The following CREB5 variants were observed in gnomAD, a reference collection of about 807,000 sequenced individuals.
CREB5 encodes cyclic AMP-responsive element-binding protein 5.
Under a neutral mutation model 57.1 loss-of-function variants are expected in CREB5, and 19 were observed. The observed-to-expected ratio is 0.33, with a 90% confidence interval of 0.23 to 0.49. The LOEUF (loss-of-function observed/expected upper bound fraction) is 0.49, where lower values mean the gene tolerates loss of function less well. CREB5 is among the 20% of genes least tolerant of loss of function. The pLI is 0.99. For synonymous variants in CREB5, 238 were observed against 238.3 expected, an observed-to-expected ratio of 1.00 and a Z score of 0.01; for missense variants, 579 against 671.6, an observed-to-expected ratio of 0.86 and a Z score of 1.52.
chr7:28,583,489 T>C (rs1407377681), intron 5 of CREB5, among the ~76,000 whole-genome samples: 1 of 152,164 alleles, frequency 6.6e-6, no homozygotes, highest in African/African-American at 2.4e-5. Flanking sequence ...GATCTGTCCA[T>C]TTCAATCTCT....
intron 7 of CREB5, among the ~76,000 whole-genome samples, chr7:28,731,700 C>G (rs1243352506): frequency 6.6e-6 from 1 of 152,200 alleles, no homozygotes; most frequent in Non-Finnish European, 1.5e-5. Context: ...GTGAGAGTGA[C>G]CTTTCTAAGG....
intron 1 of CREB5, among the ~76,000 whole-genome samples, chr7:28,348,005 CA>C (rs1268007565): frequency 6.6e-6 from 1 of 152,054 alleles, no homozygotes; most frequent in East Asian, 1.9e-4. Context: ...GTGCCCTGGC[CA>C]GGGAAATTGT....
chr7:28,333,436 A>G (rs1019924907), intron 1 of CREB5, among the ~76,000 whole-genome samples: 21 of 152,320 alleles, frequency 1.4e-4, no homozygotes, highest in African/African-American at 4.6e-4. Context: ...AAAATGTACA[A>G]TTAAATCATT....
chr7:28,403,003 T>C (rs1787504743), intron 1 of CREB5, among the ~76,000 whole-genome samples: 1 of 152,186 alleles, frequency 6.6e-6, no homozygotes, highest in Non-Finnish European at 1.5e-5. Flanking sequence ...GAGTTACACC[T>C]GTTAGGATTT....
intron 5 of CREB5, among the ~76,000 whole-genome samples, chr7:28,659,746 TA>T: frequency 6.6e-6 from 1 of 152,302 alleles, no homozygotes; most frequent in African/African-American, 2.4e-5. Context: ...AAAAATTAAA[TA>T]CAAATACAGT....
At chr7:28,560,931 T>TGTGTGTGCGTGGGTGC (rs1795192007) in intron 4 of CREB5, among the ~76,000 whole-genome samples, 1 of 48,532 alleles carries the variant, frequency 2.1e-5, no homozygotes, top group Non-Finnish European at 3.8e-5. Flanking sequence ...TGCGCGTGCG[T>TGTGTGTGCGTGGGTGC]GTGTGCGTGC....
chr7:28,678,621 G>C (rs1800436066), intron 5 of CREB5, among the ~76,000 whole-genome samples: 1 of 152,152 alleles, frequency 6.6e-6, no homozygotes, highest in South Asian at 2.1e-4. Context: ...GTATGGGCCT[G>C]AGAGGGACAG....
intron 7 of CREB5, among the ~76,000 whole-genome samples, chr7:28,776,712 A>C (rs1210884357): frequency 1.3e-5 from 2 of 152,202 alleles, no homozygotes; most frequent in East Asian, 3.9e-4. Flanking sequence ...TGCCTTCCTC[A>C]CCAGCGTCTG....
chr7:28,488,599 A>G (rs554619757), intron 2 of CREB5, among the ~76,000 whole-genome samples: 21 of 152,350 alleles, frequency 1.4e-4, no homozygotes, highest in African/African-American at 5.0e-4. Flanking sequence ...AGCCACTTGA[A>G]TATACTGGCT....
intron 1 of CREB5, among the ~76,000 whole-genome samples, chr7:28,421,809 A>C (rs1788266821): frequency 6.8e-6 from 1 of 148,026 alleles, no homozygotes; most frequent in African/African-American, 2.5e-5. Context: ...TACACACACC[A>C]TATATATAGT....
At chr7:28,302,508 T>G (rs1785113907) in intron 1 of CREB5, among the ~76,000 whole-genome samples, 1 of 152,186 alleles carries the variant, frequency 6.6e-6, no homozygotes. Context: ...ATTCATAGGA[T>G]TTAGAGCTGG....
At chr7:28,510,731 G>A (rs1792670461) in intron 4 of CREB5, among the ~76,000 whole-genome samples, 1 of 152,166 alleles carries the variant, frequency 6.6e-6, no homozygotes, top group South Asian at 2.1e-4. Flanking sequence ...GTCCACTGGA[G>A]AAAGCCCTCA....
At chr7:28,680,093 A>G (rs1433786485) in intron 5 of CREB5, among the ~76,000 whole-genome samples, 1 of 152,150 alleles carries the variant, frequency 6.6e-6, no homozygotes, top group African/African-American at 2.4e-5. Context: ...TAAGGGGGCA[A>G]TTATTCTCAG....
intron 5 of CREB5, among the ~76,000 whole-genome samples, chr7:28,633,386 T>C (rs1370954774): frequency 6.6e-6 from 1 of 152,134 alleles, no homozygotes; most frequent in Non-Finnish European, 1.5e-5. Context: ...TGTGTGTGTG[T>C]GTGTGTCTGT....
At chr7:28,406,722 CAT>C (rs955922834) in intron 1 of CREB5, among the ~76,000 whole-genome samples, 1 of 152,200 alleles carries the variant, frequency 6.6e-6, no homozygotes, top group Non-Finnish European at 1.5e-5. Flanking sequence ...CTGCAGCCTC[CAT>C]GAAACTCTGG....
chr7:28,607,736 T>C (rs1797197470), intron 5 of CREB5, among the ~76,000 whole-genome samples: 1 of 138 alleles, frequency 7.2e-3, no homozygotes, highest in East Asian at 0.05. Context: ...CCCACAGGGC[T>C]GTGTGTGTGT....
intron 5 of CREB5, among the ~76,000 whole-genome samples, chr7:28,697,209 C>A (rs993675249): frequency 6.6e-6 from 1 of 152,026 alleles, no homozygotes; most frequent in Non-Finnish European, 1.5e-5. Flanking sequence ...GCTGATTTCA[C>A]CAATTTCTCA....
intron 4 of CREB5, among the ~76,000 whole-genome samples, chr7:28,568,975 T>C (rs975189971): frequency 3.9e-5 from 6 of 152,202 alleles, no homozygotes; most frequent in African/African-American, 1.4e-4. Context: ...ATTTTTTCTT[T>C]AGTAAATTGC....
At chr7:28,710,455 T>C (rs1349527884) in intron 5 of CREB5, among the ~76,000 whole-genome samples, 1 of 152,202 alleles carries the variant, frequency 6.6e-6, no homozygotes, top group Admixed American at 6.5e-5. Flanking sequence ...TGAAGTTTAT[T>C]GTCTAGCTGG....
Sources: allele counts gnomAD v4.1 joint callset (sites outside exome capture counted in the v4.1 genomes callset), GRCh38; gene constraint gnomAD v4.1.1; transcripts MANE v1.5; gene names NCBI Gene and HGNC (gene_info 2026-07-23, HGNC 2026-07-21).